ADGRL3: variants seen among roughly 807,000 people sequenced by gnomAD.
ADGRL3 encodes calcium-independent alpha-latrotoxin receptor 3.
Under a neutral mutation model 153.5 loss-of-function variants are expected in ADGRL3, and 62 were observed. The observed-to-expected ratio is 0.40, with a 90% CI of 0.33 to 0.50. The LOEUF (loss-of-function observed/expected upper bound fraction) is 0.50, where lower values mean the gene tolerates loss of function less well. ADGRL3 is among the 20% of genes least tolerant of loss of function. The pLI, the probability that ADGRL3 is intolerant of heterozygous loss-of-function variation, is 0.47. For synonymous variants in ADGRL3, 710 were observed against 672.5 expected, an observed-to-expected ratio of 1.06 and a Z score of -0.86; for missense variants, 1,641 against 1,859.4, an observed-to-expected ratio of 0.88 and a Z score of 2.16.
chr4:61,913,232 T>A (rs1324551972), intron 13 of ADGRL3, among the ~76,000 whole-genome samples: 1 of 152,164 alleles, frequency 6.6e-6, no homozygotes, highest in Non-Finnish European at 1.5e-5. Flanking sequence ...TCTTACTCTC[T>A]TACTTATTGC....
intron 5 of ADGRL3, among the ~76,000 whole-genome samples, chr4:61,654,127 A>AT: frequency 6.6e-6 from 1 of 152,270 alleles, no homozygotes; most frequent in South Asian, 2.1e-4. Context: ...ACTAACTGCA[A>AT]TTTTTTTGCT....
At chr4:61,758,944 A>T (rs996020762) in intron 8 of ADGRL3, among the ~76,000 whole-genome samples, 3 of 152,148 alleles carry the variant, frequency 2.0e-5, no homozygotes, top group African/African-American at 4.8e-5. Context: ...TATGAAGCTT[A>T]GTTTGGCTGG....
At chr4:62,008,907 T>A (rs970171734) in intron 21 of ADGRL3, among the ~76,000 whole-genome samples, 1 of 152,128 alleles carries the variant, frequency 6.6e-6, no homozygotes, top group Non-Finnish European at 1.5e-5. Flanking sequence ...ACCTTTCTTA[T>A]GTTTACATTT....
intron 17 of ADGRL3, among the ~76,000 whole-genome samples, chr4:61,968,369 ATCT>A (rs1331735095): frequency 1.3e-5 from 2 of 152,136 alleles, no homozygotes; most frequent in Non-Finnish European, 2.9e-5. Context: ...GGTTTCTTAC[ATCT>A]TCTTTAGAGA....
intron 1 of ADGRL3, among the ~76,000 whole-genome samples, chr4:61,259,539 C>T (rs1336860587): frequency 6.6e-6 from 1 of 152,016 alleles, no homozygotes; most frequent in Non-Finnish European, 1.5e-5. Flanking sequence ...TCTAAGCAAA[C>T]TCAACAAAGC....
intron 11 of ADGRL3, among the ~76,000 whole-genome samples, chr4:61,900,676 G>A (rs2098659469): frequency 6.6e-6 from 1 of 152,148 alleles, no homozygotes; most frequent in South Asian, 2.1e-4. Flanking sequence ...TAGGTGGGTG[G>A]ATGGAAGTCT....
chr4:61,751,302 AC>A (rs1423389020), intron 8 of ADGRL3, among the ~76,000 whole-genome samples: 2 of 152,144 alleles, frequency 1.3e-5, no homozygotes, highest in African/African-American at 4.8e-5. Flanking sequence ...TAAAATCTGA[AC>A]TATGTTATTG....
intron 1 of ADGRL3, among the ~76,000 whole-genome samples, chr4:61,257,986 C>T (rs1411235541): frequency 6.6e-6 from 1 of 152,126 alleles, no homozygotes; most frequent in Non-Finnish European, 1.5e-5. Flanking sequence ...TGTCTGAGTA[C>T]ATACAGGTTA....
Position 62,077,778 on chromosome 4 carries a change from A to G in ADGRL3, c.*6870A>G, listed in dbSNP as rs996376816. 1 of 152,038 alleles carries G rather than the reference A, an allele frequency of 6.6e-6. No homozygotes were observed. The highest frequency in any genetic ancestry group is 2.4e-5 in the African/African-American group (1 of 41,446). 9.4% of individuals were successfully genotyped at this position (152,038 alleles called of 1,614,324 possible). Reference sequence around the variant, plus strand: ...TTTCATGACTCATTTGAGAATAAAGATTTCCTTCATCACCCTAAGTAATAA... The same window carrying G: ...TTTCATGACTCATTTGAGAATAAAGGTTTCCTTCATCACCCTAAGTAATAA... On this transcript the variant is annotated 3_prime_UTR_variant, in exon 27 of 27. Transcript: ENST00000683033.
intron 11 of ADGRL3, among the ~76,000 whole-genome samples, chr4:61,900,809 A>T (rs967060194): frequency 6.6e-6 from 1 of 152,196 alleles, no homozygotes; most frequent in Non-Finnish European, 1.5e-5. Flanking sequence ...GAAGATAGAT[A>T]TATGTCTCCA....
intron 17 of ADGRL3, among the ~76,000 whole-genome samples, chr4:61,972,234 T>C (rs1277786300): frequency 6.6e-6 from 1 of 152,178 alleles, no homozygotes; most frequent in Non-Finnish European, 1.5e-5. Context: ...TCCTTGCCCA[T>C]ATCTATGTCC....
chr4:61,515,032 C>T (rs1043901502), intron 3 of ADGRL3, among the ~76,000 whole-genome samples: 1 of 152,064 alleles, frequency 6.6e-6, no homozygotes, highest in Admixed American at 6.6e-5. Flanking sequence ...TCCCACGTCC[C>T]TGTCCTATGC....
intron 2 of ADGRL3, among the ~76,000 whole-genome samples, chr4:61,489,553 T>C (rs553289895): frequency 6.6e-6 from 1 of 152,028 alleles, no homozygotes; most frequent in African/African-American, 2.4e-5. Flanking sequence ...CTAAAAGTGC[T>C]GTAATTATCT....
intron 4 of ADGRL3, among the ~76,000 whole-genome samples, chr4:61,544,869 C>A (rs888728278): frequency 6.6e-6 from 1 of 152,148 alleles, no homozygotes; most frequent in Non-Finnish European, 1.5e-5. Context: ...GTATCTATTT[C>A]ACTAACACTT....
At chr4:61,725,717 A>G (rs944282760) in intron 6 of ADGRL3, among the ~76,000 whole-genome samples, 1 of 151,878 alleles carries the variant, frequency 6.6e-6, no homozygotes, top group Non-Finnish European at 1.5e-5. Context: ...GGGAGATTCT[A>G]TTTATATTTT....
At chr4:61,855,133 G>A (rs925112841) in intron 9 of ADGRL3, among the ~76,000 whole-genome samples, 4 of 152,316 alleles carry the variant, frequency 2.6e-5, no homozygotes, top group Admixed American at 6.5e-5. Context: ...ATGGAGTTTA[G>A]TTAATGATAA....
intron 13 of ADGRL3, among the ~76,000 whole-genome samples, chr4:61,916,908 G>A (rs193208631): frequency 1.3e-4 from 20 of 151,844 alleles, no homozygotes; most frequent in African/African-American, 4.8e-4. Context: ...AGCTGAGATC[G>A]CACCACTGCA....
intron 25 of ADGRL3, among the ~76,000 whole-genome samples, chr4:62,048,716 C>CT (rs936875816): frequency 2.4e-4 from 36 of 150,372 alleles, no homozygotes; most frequent in African/African-American, 6.1e-4. Flanking sequence ...ACACCATTTT[C>CT]TTTTTTTTTA....
At chr4:61,785,272 C>A (rs2097263713) in intron 8 of ADGRL3, among the ~76,000 whole-genome samples, 1 of 152,082 alleles carries the variant, frequency 6.6e-6, no homozygotes, top group African/African-American at 2.4e-5. Flanking sequence ...AAAACAAATT[C>A]TTATTCTTTG....
Sources: gnomAD v4.1 joint callset for allele counts (sites outside exome capture counted in the v4.1 genomes callset) on GRCh38, gnomAD v4.1.1 for gene constraint, MANE v1.5 for transcripts, NCBI Gene and HGNC (gene_info 2026-07-23, HGNC 2026-07-21) for gene names.